RABIF: variants seen among roughly 807,000 people sequenced by gnomAD.
RABIF encodes the protein guanine nucleotide exchange factor MSS4.
Under a neutral mutation model 12.3 loss-of-function variants are expected in RABIF, and 13 were observed. The observed-to-expected ratio is 1.06, with a 90% CI of 0.69 to 1.68. The LOEUF (loss-of-function observed/expected upper bound fraction) is 1.68, where lower values mean the gene tolerates loss of function less well. Among genes scored for constraint, RABIF ranks in the 40% most tolerant of loss-of-function variants. The pLI, the probability that RABIF is intolerant of heterozygous loss-of-function variation, is 0.00. For missense variants in RABIF, 153 were observed against 158.0 expected (o/e 0.97, Z 0.17); for synonymous variants, 70 against 63.3 (o/e 1.11, Z -0.50).
intron 1 of RABIF, 123 bp downstream of exon 1, chr1:202,888,850 G>T: frequency 7.4e-7 from 1 of 1,344,202 alleles, no homozygotes; most frequent in Non-Finnish European, 9.8e-7. Context: ...CGAGGGGCGG[G>T]GCTTAAGGCC....
Position 202,880,906 on chromosome 1 carries a change from C to G in RABIF, c.*72G>C. 1 of 1,578,328 alleles carries G rather than the reference C, an allele frequency of 6.3e-7. No individual in the cohort carries two copies. The highest frequency in any genetic ancestry group is 2.2e-5 in the East Asian group (1 of 44,582). On this transcript the variant is annotated 3_prime_UTR_variant, in exon 2 of 2. Transcript: ENST00000367262. ...ACAAGAAGGCAGCGGAACAGTTATA[C>G]CACATTAAAGGCCAGTTCTTGTGGG...
Position 202,883,415 on chromosome 1 carries a change from G to A in RABIF, c.127-2192C>T, listed in dbSNP as rs546154802. On this transcript the variant is annotated intron_variant, in intron 1 of 1. Coordinates refer to ENST00000367262, the MANE Select transcript of RABIF (RefSeq NM_002871.5). ...TTAAACAAAAACAGCAACAAGTAGA[G>A]GCAAAGAGAGTTAGGAATCAAAATT... 4.6e-5 allele frequency among the ~76,000 whole-genome samples: 7 copies of A among 152,292 alleles called. 1 individual carries two copies. The highest frequency in any genetic ancestry group is 9.6e-5 in the African/African-American group (4 of 41,556).
chr1:202,880,760 T>A lies in RABIF; in HGVS notation c.*218A>T. 7.7e-7 allele frequency: 1 copy of A among 1,304,666 alleles called. No individual in the cohort carries two copies. The highest frequency in any genetic ancestry group is 9.8e-7 in the Non-Finnish European group (1 of 1,023,176). The allele number at this position is 1,304,666 out of a possible 1,614,324, so 80.8% of individuals were successfully genotyped here. A position where few individuals can be genotyped will look rare whatever the true frequency, so the allele number is the denominator to read the frequency against. ...TCCCAAAACTGGGGGAAAAGGGAGC[T>A]TAGGAAATGTGATACAAAGTGAACT... On this transcript the variant is annotated 3_prime_UTR_variant, in exon 2 of 2. Coordinates refer to ENST00000367262, the MANE Select transcript of RABIF (RefSeq NM_002871.5).
At position 202,880,812 on chromosome 1, in the gene RABIF, T is replaced by C; in HGVS notation, c.*166A>G. ...AGCAGGAGGCATGTACTTGAGGCTT[T>C]AGGAAGCAGGATTAACCCTCTGCAT... On this transcript the variant is annotated 3_prime_UTR_variant, in exon 2 of 2. Coordinates refer to ENST00000367262, the MANE Select transcript of RABIF (RefSeq NM_002871.5). 1 of 1,420,538 alleles carries C rather than the reference T, an allele frequency of 7.0e-7. No homozygotes were observed. The highest frequency in any genetic ancestry group is 2.8e-5 in the Admixed American group (1 of 35,800). 88.0% of individuals were successfully genotyped at this position (1,420,538 alleles called of 1,614,324 possible). A position where few individuals can be genotyped will look rare whatever the true frequency, so the allele number is the denominator to read the frequency against.
rs949445371 is a variant in RABIF, at chr1:202,879,075, G to C, written c.*1903C>G. On this transcript the variant is annotated 3_prime_UTR_variant, in exon 2 of 2. Coordinates refer to ENST00000367262, the MANE Select transcript of RABIF (RefSeq NM_002871.5). Reference sequence around the variant, plus strand: ...AGTTCTCAAAAAAGGAAATAGAAATGACCGATACGTATATAAAAGTTTCAC... The same window carrying C: ...AGTTCTCAAAAAAGGAAATAGAAATCACCGATACGTATATAAAAGTTTCAC... The C allele has an allele frequency of 2.0e-5, 3 of 152,192 alleles. No homozygotes were observed. The highest frequency in any genetic ancestry group is 1.3e-4 in the Admixed American group (2 of 15,278). The allele number at this position is 152,192 out of a possible 1,614,324, so 9.4% of individuals were successfully genotyped here. A position where few individuals can be genotyped will look rare whatever the true frequency, so the allele number is the denominator to read the frequency against.
chr1:202,886,298 G>C (rs1191465864), intron 1 of RABIF, among the ~76,000 whole-genome samples: 1 of 122,392 alleles, frequency 8.2e-6, no homozygotes, highest in African/African-American at 3.0e-5. Context: ...GAAGGGAGGG[G>C]AGGGGGAGGG....
In RABIF at chr1:202,888,958, A is replaced by C; in HGVS notation, c.126+15T>G. On this transcript the variant is annotated intron_variant, in intron 1 of 1. Coordinates refer to ENST00000367262, the MANE Select transcript of RABIF (RefSeq NM_002871.5). Reference sequence around the variant, plus strand: ...GAGACTGTGGGTGTAAACGGCCTCCAACCTGCCTCCCTACCTGTCGGCGAG... The same window carrying C: ...GAGACTGTGGGTGTAAACGGCCTCCCACCTGCCTCCCTACCTGTCGGCGAG... 2 of 1,538,862 alleles carry C rather than the reference A, an allele frequency of 1.3e-6. No individual in the cohort carries two copies. Among genetic ancestry groups the C allele is most frequent in the Non-Finnish European group, 1.8e-6 (2 of 1,139,882 alleles).
At chr1:202,881,363 T>C in intron 1 of RABIF, 140 bp from the exon 2 acceptor site, 3 of 1,257,756 alleles carry the variant, frequency 2.4e-6, no homozygotes, top group South Asian at 1.7e-5. Context: ...CTGTAGACGA[T>C]GATGCTGGGT....
chr1:202,884,556 C>A (rs975042352), intron 1 of RABIF, among the ~76,000 whole-genome samples: 2 of 152,156 alleles, frequency 1.3e-5, no homozygotes, highest in African/African-American at 4.8e-5. Flanking sequence ...GAGCCTTCAG[C>A]CACTGTGTTA....
chr1:202,880,938 G>T lies in RABIF; in HGVS notation c.*40C>A. The stretch of plus-strand genomic sequence containing the variant: ...AAAGGCCAGTTCTTGTGGGGAGTAG[G>T]TTTATCTTTGGAGATGGAGCTGAGT... On this transcript the variant is annotated 3_prime_UTR_variant, in exon 2 of 2. Coordinates refer to ENST00000367262, the MANE Select transcript of RABIF (RefSeq NM_002871.5). The T allele has an allele frequency of 6.2e-7, 1 of 1,606,822 alleles. No individual in the cohort carries two copies. The highest frequency in any genetic ancestry group is 8.5e-7 in the Non-Finnish European group (1 of 1,174,926).
rs1659565963 is a variant in RABIF at position 202,886,600 on chromosome 1, CAAAA to C, written c.126+2369_126+2372del. Among the ~76,000 whole-genome samples the C allele has an allele frequency of 2.6e-5, 4 of 152,118 alleles. No homozygotes were observed. In the Middle Eastern group the frequency reaches 0.014, roughly 517 times the overall value. On this transcript the variant is annotated intron_variant, in intron 1 of 1. Coordinates refer to ENST00000367262, the MANE Select transcript of RABIF (RefSeq NM_002871.5). ...ACTCCATCTCAAAAACAAAACAAAA[CAAAA>C]GAAAGATCCTGGCCAGGCACGGTGG... is the stretch of plus-strand genomic sequence containing the variant.
chr1:202,884,903 G>A (rs1659537488), intron 1 of RABIF, among the ~76,000 whole-genome samples: 1 of 151,770 alleles, frequency 6.6e-6, no homozygotes, highest in Non-Finnish European at 1.5e-5. Flanking sequence ...TGGCCAACAT[G>A]GCGAAACCCC....
In RABIF at chr1:202,879,089, TAA is replaced by T. The variant is rs1445306710; in HGVS notation, c.*1887_*1888del. The T allele has an allele frequency of 1.3e-5, 2 of 152,236 alleles. No homozygotes were observed. The highest frequency in any genetic ancestry group is 3.8e-4 in the East Asian group (2 of 5,206). 9.4% of individuals were successfully genotyped at this position (152,236 alleles called of 1,614,324 possible). On this transcript the variant is annotated 3_prime_UTR_variant, in exon 2 of 2. Coordinates refer to ENST00000367262, the MANE Select transcript of RABIF (RefSeq NM_002871.5). Reference sequence around the variant, plus strand: ...GAAATAGAAATGACCGATACGTATATAAAAGTTTCACTAGAAATAAAATAAAT... The same window carrying T: ...GAAATAGAAATGACCGATACGTATATAAGTTTCACTAGAAATAAAATAAAT...
intron 1 of RABIF, among the ~76,000 whole-genome samples, chr1:202,883,553 T>C (rs746697218): frequency 6.6e-6 from 1 of 152,230 alleles, no homozygotes; most frequent in Non-Finnish European, 1.5e-5. Context: ...ATCTCACATA[T>C]CTTCACATAG....
At chr1:202,886,560 C>G (rs377280266) in intron 1 of RABIF, among the ~76,000 whole-genome samples, 1 of 151,806 alleles carries the variant, frequency 6.6e-6, no homozygotes, top group African/African-American at 2.4e-5. Context: ...ACTCCAGCCT[C>G]GGCGACAGAG....
chr1:202,881,652 C>A (rs995470856), intron 1 of RABIF, among the ~76,000 whole-genome samples: 3 of 152,226 alleles, frequency 2.0e-5, no homozygotes, highest in Non-Finnish European at 4.4e-5. Context: ...CGTGATCTGC[C>A]TGCCTCGGCC....
At chr1:202,885,400 GA>G (rs1229653951) in intron 1 of RABIF, among the ~76,000 whole-genome samples, 1 of 152,208 alleles carries the variant, frequency 6.6e-6, no homozygotes, top group Non-Finnish European at 1.5e-5. Context: ...GCACTGGGTG[GA>G]GCGAGAGAGA....
intron 1 of RABIF, among the ~76,000 whole-genome samples, chr1:202,883,980 C>G (rs1053387524): frequency 6.6e-6 from 1 of 152,112 alleles, no homozygotes; most frequent in Non-Finnish European, 1.5e-5. Flanking sequence ...CTACAACATC[C>G]GGAATGTAAT....
At position 202,889,126 on chromosome 1, in the gene RABIF, C is replaced by G; in HGVS notation, c.-28G>C. ...CCGCTGCCGCCACAGGCTCCTCAGCCACGGCTGCGCAGACGCTGTCTCTGC... is the reference window on the plus strand; with the variant it reads ...CCGCTGCCGCCACAGGCTCCTCAGCGACGGCTGCGCAGACGCTGTCTCTGC... On this transcript the variant is annotated 5_prime_UTR_variant, in exon 1 of 2. Transcript: ENST00000367262. 6.3e-7 allele frequency: 1 copy of G among 1,587,798 alleles called. No homozygotes were observed. Among genetic ancestry groups the G allele is most frequent in the Non-Finnish European group, 8.6e-7 (1 of 1,167,140 alleles).
Sources: gnomAD v4.1 joint callset for allele counts (sites outside exome capture counted in the v4.1 genomes callset) on GRCh38, gnomAD v4.1.1 for gene constraint, MANE v1.5 for transcripts, NCBI Gene and HGNC (gene_info 2026-07-23, HGNC 2026-07-21) for gene names.